The following EPS15L1 variants were observed in gnomAD, a reference collection of about 807,000 sequenced individuals.
The protein encoded by EPS15L1 is epidermal growth factor receptor substrate 15-like 1.
In EPS15L1, 43 loss-of-function variants were observed where a neutral mutation model predicts 117.1. The ratio of observed to expected loss-of-function variants is 0.37; its 90% CI spans 0.29 to 0.47. The LOEUF is 0.47. Among genes scored for constraint, EPS15L1 ranks in the 20% least tolerant of loss-of-function variants. The pLI is 0.99. For missense variants in EPS15L1, 981 were observed against 1,164.0 expected (o/e 0.84, Z 2.29); for synonymous variants, 459 against 470.5 (o/e 0.98, Z 0.32).
rs10421164 is a variant in EPS15L1, at chr19:16,393,606, G to A, written c.1966+345C>T. 5.0e-3 allele frequency among the ~76,000 whole-genome samples: 730 copies of A among 147,398 alleles called. 7 individuals are homozygous for A. The highest frequency in any genetic ancestry group is 0.015 in the African/African-American group (605 of 39,974). ...GGAGCTTGCAGTGAGCCGAGATCGC[G>A]CCACTGCACTCCAGCCTGGGCGACA... On this transcript the variant is annotated intron_variant, in intron 18 of 23. Transcript: ENST00000455140.
intron 8 of EPS15L1, among the ~76,000 whole-genome samples, chr19:16,428,315 T>C (rs1450553672): frequency 1.3e-5 from 2 of 150,368 alleles, no homozygotes; most frequent in East Asian, 1.9e-4. Context: ...ATGGAGACCA[T>C]CCTGGCCAAG....
intron 4 of EPS15L1, among the ~76,000 whole-genome samples, chr19:16,439,074 G>GTTT (rs755051356): frequency 7.8e-5 from 9 of 115,330 alleles, no homozygotes; most frequent in Admixed American, 3.4e-4. Context: ...TTTTTTTTCT[G>GTTT]TTTTTTTTTT....
rs75720885 is a variant in EPS15L1, at chr19:16,469,322, G to A, written c.33+2591C>T. Among the ~76,000 whole-genome samples the A allele has an allele frequency of 2.4e-3, 362 of 152,222 alleles. 6 individuals are homozygous for A. Among genetic ancestry groups the A allele is most frequent in the East Asian group, 6.6e-3 (34 of 5,180 alleles). On this transcript the variant is annotated intron_variant, in intron 1 of 23. Coordinates refer to ENST00000455140, the MANE Select transcript of EPS15L1 (RefSeq NM_001258374.3). Reference sequence around the variant, plus strand: ...GGAGAGAGGATGAAGAGTGAAGACCGACGGGCTCCAGTGTTGCGGAGTTCG... The same window carrying A: ...GGAGAGAGGATGAAGAGTGAAGACCAACGGGCTCCAGTGTTGCGGAGTTCG...
chr19:16,355,950 C>T lies in EPS15L1; in HGVS notation c.2587-99G>A. On this transcript the variant is annotated intron_variant, in intron 23 of 23. Transcript: ENST00000455140. Reference sequence around the variant, plus strand: ...TGCGTGGGAGGGGTCAGGGTCCTGCCCACCGCCCAGCGGAGGGTCCGATGT... The same window carrying T: ...TGCGTGGGAGGGGTCAGGGTCCTGCTCACCGCCCAGCGGAGGGTCCGATGT... 6 of 1,414,584 alleles carry T rather than the reference C, an allele frequency of 4.2e-6. No homozygotes were observed. In the East Asian group the frequency reaches 1.0e-4, roughly 24 times the overall value. 87.6% of individuals were successfully genotyped at this position (1,414,584 alleles called of 1,614,324 possible).
intron 22 of EPS15L1, among the ~76,000 whole-genome samples, chr19:16,374,200 C>T (rs1345998814): frequency 1.3e-5 from 2 of 152,208 alleles, no homozygotes; most frequent in East Asian, 3.9e-4. Flanking sequence ...CGCCTTTCCT[C>T]TTCCAGGAAA....
intron 16 of EPS15L1, chr19:16,401,417 G>A (rs747741640): frequency 9.1e-6 from 9 of 985,568 alleles, no homozygotes; most frequent in Non-Finnish European, 1.1e-5. Flanking sequence ...AATCCATGAC[G>A]TACAGAGGCC....
intron 22 of EPS15L1, among the ~76,000 whole-genome samples, chr19:16,367,485 A>G (rs899402226): frequency 1.5e-5 from 2 of 132,892 alleles, no homozygotes; most frequent in African/African-American, 5.6e-5. Flanking sequence ...GGTTTACCAC[A>G]GTATGTGCTG....
intron 1 of EPS15L1, among the ~76,000 whole-genome samples, chr19:16,469,879 C>A (rs1193351543): frequency 6.6e-6 from 1 of 152,182 alleles, no homozygotes; most frequent in African/African-American, 2.4e-5. Context: ...TTGGTTCCCC[C>A]AGAGTTATCT....
At chr19:16,362,112 A>C (rs1397121513) in intron 22 of EPS15L1, 128 bp from the exon 23 acceptor site, 1 of 966,206 alleles carries the variant, frequency 1.0e-6, no homozygotes, top group East Asian at 2.7e-5. Context: ...CTTGGCTAAC[A>C]GGCTGGACGG....
At chr19:16,368,924 C>T (rs1207183384) in intron 22 of EPS15L1, among the ~76,000 whole-genome samples, 5 of 152,232 alleles carry the variant, frequency 3.3e-5, no homozygotes, top group Admixed American at 2.0e-4. Context: ...CCGGGCGGGG[C>T]ACCACTCCAG....
chr19:16,454,937 C>A (rs1031025459), intron 1 of EPS15L1, among the ~76,000 whole-genome samples: 1 of 151,870 alleles, frequency 6.6e-6, no homozygotes, highest in Admixed American at 6.6e-5. Context: ...TGAGACCAGC[C>A]TGGCCAACAT....
Position 16,403,718 on chromosome 19 carries a change from G to T in EPS15L1, c.1626+15C>A. ...GGTCCCTGGCATGTGGCAGGGACCC[G>T]ACTCCGTGAAGTACCTGGTTGATTT... On this transcript the variant is annotated intron_variant, in intron 15 of 23. Coordinates refer to ENST00000455140, the MANE Select transcript of EPS15L1 (RefSeq NM_001258374.3). 6.2e-7 allele frequency: 1 copy of T among 1,609,118 alleles called. No homozygotes were observed. Among genetic ancestry groups the T allele is most frequent in the South Asian group, 1.1e-5 (1 of 91,012 alleles).
At chr19:16,407,097 G>A (rs1033342055) in intron 13 of EPS15L1, among the ~76,000 whole-genome samples, 6 of 152,194 alleles carry the variant, frequency 3.9e-5, no homozygotes, top group Admixed American at 3.3e-4. Context: ...GTAAACTTCT[G>A]TTGTTTATAA....
intron 10 of EPS15L1, among the ~76,000 whole-genome samples, chr19:16,418,715 G>A (rs1387891699): frequency 1.3e-5 from 2 of 152,172 alleles, no homozygotes; most frequent in Non-Finnish European, 2.9e-5. Flanking sequence ...GGGAGGTGAT[G>A]AGGTCATGAG....
intron 22 of EPS15L1, among the ~76,000 whole-genome samples, chr19:16,373,369 T>C (rs1484524155): frequency 1.3e-5 from 2 of 152,042 alleles, no homozygotes; most frequent in Non-Finnish European, 2.9e-5. Flanking sequence ...GTGGTCTCCC[T>C]GAGCAGAAAA....
chr19:16,434,670 G>A, intron 6 of EPS15L1, 180 bp from the exon 7 acceptor site: 1 of 615,032 alleles, frequency 1.6e-6, no homozygotes, highest in Non-Finnish European at 2.7e-6. Context: ...CATATACCCT[G>A]AAGGAAATAA....
rs375859725 is a variant in EPS15L1 at position 16,425,143 on chromosome 19, G to A, written c.732C>T (p.Ser244=). Residue 244 remains serine (S), a synonymous_variant, in exon 9 of 24, where the codon AGC becomes AGT. Transcript: ENST00000455140. ...TCCCTGTGCTGTTGAGGCTGCTGAC[G>A]CTGCCGTGGGACGGCGTGGAGCGGA... ...DSLRSTPSHG[S]VSSLNSTGSL... 3.8e-5 allele frequency: 62 copies of A among 1,614,012 alleles called. No individual in the cohort carries two copies. The African/African-American group carries it at 4.5e-4, about 12-fold the overall frequency.
intron 22 of EPS15L1, among the ~76,000 whole-genome samples, chr19:16,375,988 T>C (rs1019790051): frequency 1.3e-5 from 2 of 152,182 alleles, no homozygotes; most frequent in African/African-American, 4.8e-5. Flanking sequence ...GCTAGGTCCA[T>C]TCCAGGACCT....
In EPS15L1 at chr19:16,404,534, T is replaced by C; in HGVS notation, c.1428+54A>G. 2 of 1,598,182 alleles carry C rather than the reference T, an allele frequency of 1.3e-6. No homozygotes were observed. The highest frequency in any genetic ancestry group is 3.4e-5 in the Admixed American group (2 of 59,414). On this transcript the variant is annotated intron_variant, in intron 14 of 23. Coordinates refer to ENST00000455140, the MANE Select transcript of EPS15L1 (RefSeq NM_001258374.3). This position sits in a 1 kb window ranked among gnomAD's most constrained non-coding sequence, Gnocchi z 4.2. ...GGTAACACGAGCTCAGGGGAGTCCTTGGGAAGCCCCTGCCTGTGCATAGGG... is the reference window on the plus strand; with the variant it reads ...GGTAACACGAGCTCAGGGGAGTCCTCGGGAAGCCCCTGCCTGTGCATAGGG...
Sources: allele counts gnomAD v4.1 joint callset (sites outside exome capture counted in the v4.1 genomes callset), GRCh38; gene constraint gnomAD v4.1.1; non-coding constraint Gnocchi (gnomAD v3.1); transcripts MANE v1.5; gene names NCBI Gene and HGNC (gene_info 2026-07-23, HGNC 2026-07-21).